Variants in ARID4B observed in about 807,000 individuals in gnomAD.
ARID4B encodes the protein AT-rich interactive domain-containing protein 4B.
ARID4B carries 26 observed loss-of-function variants against 147.5 expected under a neutral mutation model. The ratio of observed to expected loss-of-function variants is 0.18; its 90% CI spans 0.13 to 0.24. The LOEUF (loss-of-function observed/expected upper bound fraction) is 0.24, where lower values mean the gene tolerates loss of function less well. Ranked by LOEUF, ARID4B falls within the 10% of genes least tolerant of loss-of-function variation. The pLI, the probability that ARID4B is intolerant of heterozygous loss-of-function variation, is 1.00. For missense variants in ARID4B, 1,179 were observed against 1,511.5 expected, an observed-to-expected ratio of 0.78 and a Z score of 3.65; for synonymous variants, 512 against 507.9, an observed-to-expected ratio of 1.01 and a Z score of -0.11.
chr1:235,242,563 C>G (rs905471729), intron 7 of ARID4B, among the ~76,000 whole-genome samples: 1 of 152,138 alleles, frequency 6.6e-6, no homozygotes, highest in Non-Finnish European at 1.5e-5. Flanking sequence ...TATGAACACT[C>G]TATTATCAGT....
intron 21 of ARID4B, chr1:235,176,856 G>A (rs978614610): frequency 8.5e-6 from 4 of 470,878 alleles, no homozygotes; most frequent in African/African-American, 8.0e-5. Context: ...AGGCAGTGGA[G>A]GTGGCAGGAG....
chr1:235,272,723 A>T (rs1294375189), intron 2 of ARID4B, among the ~76,000 whole-genome samples: 1 of 140,556 alleles, frequency 7.1e-6, no homozygotes, highest in Non-Finnish European at 1.6e-5. Context: ...TTATAATTAA[A>T]TATAAATTAC....
At chr1:235,280,953 GA>G (rs201811610) in intron 2 of ARID4B, among the ~76,000 whole-genome samples, 6 of 142,996 alleles carry the variant, frequency 4.2e-5, no homozygotes, top group Non-Finnish European at 3.1e-5. Context: ...GTATAAAAAC[GA>G]AAAAAAAAGA....
intron 3 of ARID4B, among the ~76,000 whole-genome samples, chr1:235,257,536 G>A (rs1670060044): frequency 6.6e-6 from 1 of 151,064 alleles, no homozygotes. Context: ...AGGTTGGAGT[G>A]CAGTAGCGCA....
At chr1:235,267,131 A>G (rs1048635100) in intron 2 of ARID4B, among the ~76,000 whole-genome samples, 1 of 152,050 alleles carries the variant, frequency 6.6e-6, no homozygotes, top group Non-Finnish European at 1.5e-5. Context: ...TACAAAAATT[A>G]GCCAGGCATA....
At chr1:235,271,221 G>T (rs1323046367) in intron 2 of ARID4B, among the ~76,000 whole-genome samples, 1 of 152,034 alleles carries the variant, frequency 6.6e-6, no homozygotes, top group Non-Finnish European at 1.5e-5. Flanking sequence ...CAGAAGAGGT[G>T]GTGAACACTT....
chr1:235,309,043 C>T (rs1212037298), intron 2 of ARID4B, among the ~76,000 whole-genome samples: 8 of 151,244 alleles, frequency 5.3e-5, no homozygotes, highest in African/African-American at 1.2e-4. Context: ...CGCCTCTTCC[C>T]GGCCGCCATC....
intron 2 of ARID4B, among the ~76,000 whole-genome samples, chr1:235,326,455 C>T (rs1400443182): frequency 6.6e-6 from 1 of 152,090 alleles, no homozygotes; most frequent in Non-Finnish European, 1.5e-5. Context: ...CACAAAAATT[C>T]TCTTTTTAAA....
chr1:235,287,548 AAAGT>A (rs916245554), intron 2 of ARID4B, among the ~76,000 whole-genome samples: 1 of 152,216 alleles, frequency 6.6e-6, no homozygotes, highest in Admixed American at 6.5e-5. Flanking sequence ...TACTTGCCCT[AAAGT>A]AATAAACATG....
chr1:235,302,277 G>GAGGA (rs1281683993), intron 2 of ARID4B, among the ~76,000 whole-genome samples: 2 of 111,262 alleles, frequency 1.8e-5, no homozygotes, highest in African/African-American at 6.5e-5. Flanking sequence ...GGAGGGAGGG[G>GAGGA]AGGAAGGAAG....
At chr1:235,224,998 A>T (rs1430258363) in intron 11 of ARID4B, among the ~76,000 whole-genome samples, 1 of 152,208 alleles carries the variant, frequency 6.6e-6, no homozygotes, top group Non-Finnish European at 1.5e-5. Flanking sequence ...CAATAGTTAG[A>T]ATCCCCACAG....
intron 2 of ARID4B, among the ~76,000 whole-genome samples, chr1:235,319,655 A>G (rs1674687388): frequency 6.6e-6 from 1 of 152,196 alleles, no homozygotes; most frequent in Admixed American, 6.5e-5. Flanking sequence ...CTTCATGGTC[A>G]TACTCAGTTC....
At chr1:235,204,932 G>A (rs1666211011) in intron 17 of ARID4B, among the ~76,000 whole-genome samples, 1 of 151,954 alleles carries the variant, frequency 6.6e-6, no homozygotes, top group East Asian at 1.9e-4. Context: ...TTTTCATGAA[G>A]GAAATGTTTA....
intron 2 of ARID4B, among the ~76,000 whole-genome samples, chr1:235,287,498 T>A (rs746406531): frequency 1.2e-4 from 18 of 152,204 alleles, no homozygotes; most frequent in Non-Finnish European, 1.8e-4. Flanking sequence ...CCAGTGTTCA[T>A]GATGGTATAT....
rs746802528 is a variant in ARID4B, at chr1:235,213,960, TTCTTCC to T, written c.1644_1649del (p.Glu552_Glu553del). The T allele has an allele frequency of 1.7e-4, 264 of 1,599,848 alleles. No individual in the cohort carries two copies. The African/African-American group carries it at 3.1e-3, about 19-fold the overall frequency. On this transcript the variant is annotated inframe_deletion, in exon 17 of 24. Coordinates refer to ENST00000264183, the MANE Select transcript of ARID4B (RefSeq NM_016374.6). ...CATCATCATCTTCATCCTCTTCTTC[TTCTTCC>T]TCCTCCTCCTCCTCTTCTGCTTCTT... is the stretch of plus-strand genomic sequence containing the variant.
chr1:235,200,756 C>T (rs1166293519), intron 17 of ARID4B, among the ~76,000 whole-genome samples: 1 of 152,002 alleles, frequency 6.6e-6, no homozygotes, highest in Non-Finnish European at 1.5e-5. Flanking sequence ...GAGACAACAC[C>T]AAATTTACCT....
At chr1:235,181,138 G>A (rs1398046953) in intron 20 of ARID4B, 7 of 1,024,870 alleles carry the variant, frequency 6.8e-6, no homozygotes, top group Non-Finnish European at 7.0e-6. Context: ...TGGACAGTTG[G>A]TTGCTCCAAA....
chr1:235,223,071 T>A, intron 13 of ARID4B, 95 bp downstream of exon 13: 1 of 786,174 alleles, frequency 1.3e-6, no homozygotes, highest in South Asian at 1.7e-5. Context: ...TGAAAAACTT[T>A]GTTTTGTTGT....
intron 17 of ARID4B, among the ~76,000 whole-genome samples, chr1:235,199,105 CA>C (rs1665702676): frequency 6.6e-6 from 1 of 151,668 alleles, no homozygotes; most frequent in African/African-American, 2.4e-5. Flanking sequence ...TCTCAAAAAA[CA>C]AAACAAAAAA....
Sources: allele counts gnomAD v4.1 joint callset (sites outside exome capture counted in the v4.1 genomes callset), GRCh38; gene constraint gnomAD v4.1.1; transcripts MANE v1.5; gene names NCBI Gene and HGNC (gene_info 2026-07-23, HGNC 2026-07-21).